Variants in MTSS1 observed in about 807,000 individuals in gnomAD.
MTSS1 encodes the protein protein MTSS 1.
In MTSS1, 18 loss-of-function variants were observed where a neutral mutation model predicts 79.0. That is an observed-to-expected ratio of 0.23 (90% confidence interval 0.16 to 0.34). MTSS1 has a LOEUF of 0.34. Ranked by LOEUF, MTSS1 falls within the 10% of genes least tolerant of loss-of-function variation. The probability of loss-of-function intolerance (pLI) is 1.00; values close to 1 mark genes in which losing one functional copy is unlikely to be tolerated. For synonymous variants in MTSS1, 341 were observed against 368.6 expected, an observed-to-expected ratio of 0.93 and a Z score of 0.86; for missense variants, 815 against 986.2, an observed-to-expected ratio of 0.83 and a Z score of 2.33.
intron 3 of MTSS1, among the ~76,000 whole-genome samples, chr8:124,604,045 C>G (rs1266273295): frequency 6.6e-6 from 1 of 152,066 alleles, no homozygotes; most frequent in Non-Finnish European, 1.5e-5. Context: ...AACCCCATCT[C>G]TACTAAAAAT....
intron 3 of MTSS1, among the ~76,000 whole-genome samples, chr8:124,665,319 A>T (rs187046583): frequency 1.3e-5 from 2 of 152,292 alleles, no homozygotes. Context: ...TCTTCGATTC[A>T]TTCCGTGGGC....
At chr8:124,598,556 C>T (rs3857949) in intron 3 of MTSS1, among the ~76,000 whole-genome samples, 24,823 of 152,148 alleles carry the variant, frequency 0.16, 2,210 homozygotes, top group East Asian at 0.32. Context: ...GTGGCCTCCC[C>T]GCAAACCCTC....
At chr8:124,624,480 A>G (rs537002809) in intron 3 of MTSS1, among the ~76,000 whole-genome samples, 2 of 152,324 alleles carry the variant, frequency 1.3e-5, no homozygotes, top group Non-Finnish European at 1.5e-5. Flanking sequence ...GGATGGGTAC[A>G]GGGGAATCAC....
intron 3 of MTSS1, among the ~76,000 whole-genome samples, chr8:124,686,793 G>C (rs1262815384): frequency 1.3e-5 from 2 of 152,192 alleles, no homozygotes; most frequent in African/African-American, 4.8e-5. Context: ...TCTCAATTCT[G>C]AGGTGTTTCC....
intron 3 of MTSS1, among the ~76,000 whole-genome samples, chr8:124,615,730 T>A (rs960345736): frequency 6.6e-6 from 1 of 151,242 alleles, no homozygotes; most frequent in Non-Finnish European, 1.5e-5. Context: ...AAAATTAAAA[T>A]TTTTTTAAAA....
intron 3 of MTSS1, among the ~76,000 whole-genome samples, chr8:124,648,573 T>C (rs372427723): frequency 6.6e-6 from 1 of 152,022 alleles, no homozygotes; most frequent in East Asian, 1.9e-4. Flanking sequence ...CCCAGAGATA[T>C]ATTACCTTGG....
intron 5 of MTSS1, among the ~76,000 whole-genome samples, chr8:124,588,034 T>C (rs1831176822): frequency 6.6e-6 from 1 of 152,206 alleles, no homozygotes; most frequent in African/African-American, 2.4e-5. Flanking sequence ...AACTTATTTA[T>C]TTCTGTGGCT....
chr8:124,600,524 G>A (rs940735491), intron 3 of MTSS1, among the ~76,000 whole-genome samples: 2 of 152,234 alleles, frequency 1.3e-5, no homozygotes, highest in Non-Finnish European at 2.9e-5. Flanking sequence ...ATATTTTACA[G>A]AGAAAATAAG....
At chr8:124,703,433 C>T (rs1829978872) in intron 2 of MTSS1, among the ~76,000 whole-genome samples, 1 of 152,206 alleles carries the variant, frequency 6.6e-6, no homozygotes, top group Admixed American at 6.5e-5. Context: ...GCTGGGATTA[C>T]AGGCACTCGT....
At chr8:124,636,945 T>C (rs1242581696) in intron 3 of MTSS1, among the ~76,000 whole-genome samples, 2 of 152,202 alleles carry the variant, frequency 1.3e-5, no homozygotes, top group African/African-American at 2.4e-5. Flanking sequence ...AATTCAGAAG[T>C]GTCCAGCTCT....
intron 9 of MTSS1, chr8:124,564,722 C>CACACACACACACACACACTT (rs1563758680): frequency 2.0e-5 from 3 of 150,716 alleles, no homozygotes; most frequent in Admixed American, 6.6e-5. Flanking sequence ...CACACACAGT[C>CACACACACACACACACACTT]GACAGAAGAT....
chr8:124,632,005 A>T (rs1273723874), intron 3 of MTSS1, among the ~76,000 whole-genome samples: 1 of 152,198 alleles, frequency 6.6e-6, no homozygotes, highest in Non-Finnish European at 1.5e-5. Context: ...ATCCGGGTGC[A>T]GTGGCTCATT....
intron 7 of MTSS1, 25 bp downstream of exon 7, chr8:124,568,354 C>T (rs1554642050): frequency 1.9e-6 from 3 of 1,607,268 alleles, no homozygotes; most frequent in Non-Finnish European, 2.6e-6. Flanking sequence ...CAGTTTAAAC[C>T]TTCTGGAGTT....
intron 3 of MTSS1, among the ~76,000 whole-genome samples, chr8:124,632,357 A>C (rs1337171946): frequency 6.6e-6 from 1 of 151,450 alleles, no homozygotes; most frequent in African/African-American, 2.4e-5. Context: ...GTCAGTAAAA[A>C]ATAAGATGAG....
intron 3 of MTSS1, among the ~76,000 whole-genome samples, chr8:124,666,762 C>T (rs1326005349): frequency 3.3e-5 from 5 of 151,950 alleles, no homozygotes; most frequent in African/African-American, 9.7e-5. Context: ...CCCAGCTGGC[C>T]GAGGGTTAGC....
At chr8:124,655,517 CA>C (rs1820781072) in intron 3 of MTSS1, among the ~76,000 whole-genome samples, 1 of 152,190 alleles carries the variant, frequency 6.6e-6, no homozygotes, top group African/African-American at 2.4e-5. Flanking sequence ...TACGACTCAA[CA>C]AATAGTCATC....
chr8:124,721,869 C>A (rs1832994674), intron 1 of MTSS1, among the ~76,000 whole-genome samples: 1 of 152,192 alleles, frequency 6.6e-6, no homozygotes, highest in Non-Finnish European at 1.5e-5. Context: ...CCCAATGGAC[C>A]CTGCTCTGTA....
At chr8:124,587,961 G>A (rs915519668) in intron 5 of MTSS1, among the ~76,000 whole-genome samples, 2 of 152,156 alleles carry the variant, frequency 1.3e-5, no homozygotes, top group African/African-American at 2.4e-5. Flanking sequence ...ATGAAGACAC[G>A]ACTTCAGGAG....
At chr8:124,609,371 A>T (rs775341769) in intron 3 of MTSS1, among the ~76,000 whole-genome samples, 32 of 152,190 alleles carry the variant, frequency 2.1e-4, no homozygotes, top group Non-Finnish European at 1.5e-5. Flanking sequence ...AGGGCTGACA[A>T]CGTCTCAGGG....
Sources: allele counts gnomAD v4.1 joint callset (sites outside exome capture counted in the v4.1 genomes callset), GRCh38; gene constraint gnomAD v4.1.1; transcripts MANE v1.5; gene names NCBI Gene and HGNC (gene_info 2026-07-23, HGNC 2026-07-21).